The following CASR variants were observed in gnomAD, a reference collection of about 807,000 sequenced individuals.
The protein encoded by CASR is extracellular calcium-sensing receptor.
Under a neutral mutation model 69.1 loss-of-function variants are expected in CASR, and 23 were observed. The ratio of observed to expected loss-of-function variants is 0.33; its 90% CI spans 0.24 to 0.47. CASR has a LOEUF of 0.47. Ranked by LOEUF, CASR falls within the 20% of genes least tolerant of loss-of-function variation. The probability of loss-of-function intolerance (pLI) is 1.00; values close to 1 mark genes in which losing one functional copy is unlikely to be tolerated. For synonymous variants in CASR, 541 were observed against 544.7 expected (o/e 0.99, Z 0.10); for missense variants, 924 against 1,356.1 (o/e 0.68, Z 5.00).
chr3:122,248,754 A>G (rs1193821666), intron 1 of CASR, among the ~76,000 whole-genome samples: 1 of 152,128 alleles, frequency 6.6e-6, no homozygotes, highest in African/African-American at 2.4e-5. Context: ...ATTTTGCTCT[A>G]GAGATTCACA....
At chr3:122,276,192 C>G (rs2074818174) in intron 5 of CASR, 150 bp downstream of exon 5, 7 of 689,334 alleles carry the variant, frequency 1.0e-5, no homozygotes, top group Non-Finnish European at 1.9e-5. Context: ...TTGGGGCTCC[C>G]TGTGAAATCC....
At chr3:122,200,122 G>T (rs932829274) in intron 1 of CASR, among the ~76,000 whole-genome samples, 1 of 152,040 alleles carries the variant, frequency 6.6e-6, no homozygotes, top group Non-Finnish European at 1.5e-5. Flanking sequence ...AGTCAGGCTG[G>T]TCTCAAACTC....
chr3:122,188,587 A>C (rs1353815962), intron 1 of CASR, among the ~76,000 whole-genome samples: 21 of 152,180 alleles, frequency 1.4e-4, no homozygotes, highest in Admixed American at 6.5e-5. Flanking sequence ...TCCATACCAA[A>C]TATAATATCC....
At chr3:122,272,499 A>G (rs2074772163) in intron 4 of CASR, among the ~76,000 whole-genome samples, 1 of 152,192 alleles carries the variant, frequency 6.6e-6, no homozygotes, top group Admixed American at 6.5e-5. Flanking sequence ...GTCCTTTGCC[A>G]GCCAAAATAT....
At chr3:122,196,615 G>T (rs2073893798) in intron 1 of CASR, among the ~76,000 whole-genome samples, 1 of 151,978 alleles carries the variant, frequency 6.6e-6, no homozygotes, top group African/African-American at 2.4e-5. Context: ...ACAGCTCACT[G>T]CAGCCTTGAC....
chr3:122,240,371 A>G (rs1031870831), intron 1 of CASR, among the ~76,000 whole-genome samples: 1 of 152,208 alleles, frequency 6.6e-6, no homozygotes, highest in Non-Finnish European at 1.5e-5. Context: ...CCAAAATAAT[A>G]GAGCAGGACT....
At position 122,284,662 on chromosome 3, in the gene CASR, G is replaced by C. The variant is rs1289794304; in HGVS notation, c.2708G>C (p.Gly903Ala). The C allele has an allele frequency of 6.2e-7, 1 of 1,613,748 alleles. No homozygotes were observed. ...NVSRKRSSSL[G>A]GSTGSTPSSS... ...TCCCGCAAGCGGTCCAGCAGCCTTG[G>C]AGGCTCCACGGGATCCACCCCCTCC... Residue 903 changes from glycine to alanine, a missense_variant, in exon 7 of 7, where the codon GGA (glycine) becomes GCA (alanine). Transcript: ENST00000639785.
At chr3:122,189,938 T>G (rs533875315) in intron 1 of CASR, among the ~76,000 whole-genome samples, 23 of 152,366 alleles carry the variant, frequency 1.5e-4, no homozygotes, top group Non-Finnish European at 2.9e-4. Flanking sequence ...AGTTTAGTTT[T>G]GTTCACCAGT....
Position 122,283,742 on chromosome 3 carries a change from C to A in CASR, c.1788C>A (p.Thr596=). The stretch of plus-strand genomic sequence containing the variant: ...ACTTCTGGTCCAATGAGAACCACAC[C>A]TCCTGCATTGCCAAGGAGATCGAGT... ...PDDFWSNENH[T]SCIAKEIEFL... Residue 596 remains threonine, a synonymous_variant, in exon 7 of 7, where the codon ACC becomes ACA. Transcript: ENST00000639785. The A allele has an allele frequency of 6.2e-7, 1 of 1,614,130 alleles. No individual in the cohort carries two copies. The highest frequency in any genetic ancestry group is 1.7e-5 in the Admixed American group (1 of 60,022).
chr3:122,195,558 G>T (rs569528320), intron 1 of CASR, among the ~76,000 whole-genome samples: 1 of 152,178 alleles, frequency 6.6e-6, no homozygotes, highest in African/African-American at 2.4e-5. Context: ...AAATTATCCC[G>T]AGGAATATCA....
In CASR at chr3:122,284,100, C is replaced by T. The variant is rs768333005; in HGVS notation, c.2146C>T (p.Arg716Cys). ...GGCCAAGATCCCCACCAGCTTCCACCGCAAGTGGTGGGGGCTCAACCTGCA... is the reference window on the plus strand; with the variant it reads ...GGCCAAGATCCCCACCAGCTTCCACTGCAAGTGGTGGGGGCTCAACCTGCA... Reference protein sequence around the residue: ...FEAKIPTSFHRKWWGLNLQFL... With the variant: ...FEAKIPTSFHCKWWGLNLQFL... Residue 716 changes from arginine to cysteine, a missense_variant, in exon 7 of 7, where the codon CGC becomes TGC. Physicochemically the swap from Arg to Cys is radical, Grantham distance 180 (BLOSUM62 -3). Coordinates refer to ENST00000639785, the MANE Select transcript of CASR (RefSeq NM_000388.4). The T allele has an allele frequency of 6.8e-6, 11 of 1,614,122 alleles. No individual in the cohort carries two copies. The highest frequency in any genetic ancestry group is 9.3e-6 in the Non-Finnish European group (11 of 1,179,976).
At chr3:122,241,106 A>G (rs1178161800) in intron 1 of CASR, among the ~76,000 whole-genome samples, 2 of 152,152 alleles carry the variant, frequency 1.3e-5, no homozygotes, top group East Asian at 3.8e-4. Flanking sequence ...AAATAACCTA[A>G]TGATGCATCT....
intron 1 of CASR, among the ~76,000 whole-genome samples, chr3:122,244,766 TGAGA>T (rs1276241830): frequency 6.6e-6 from 1 of 151,930 alleles, no homozygotes; most frequent in Admixed American, 6.6e-5. Context: ...ATTTTAAGAG[TGAGA>T]GAAAGATAAG....
intron 1 of CASR, 147 bp downstream of exon 1, chr3:122,183,959 G>C (rs999527965): frequency 6.6e-6 from 1 of 152,364 alleles, no homozygotes; most frequent in Non-Finnish European, 1.5e-5. Flanking sequence ...CAAGGAGTAG[G>C]GGTCAGGGAA....
chr3:122,257,127 A>G lies in CASR; in HGVS notation c.232A>G (p.Ile78Val), dbSNP rs769294626. 6.2e-6 allele frequency: 10 copies of G among 1,614,046 alleles called. No homozygotes were observed. Among genetic ancestry groups the G allele is most frequent in the South Asian group, 3.3e-5 (3 of 91,086 alleles). ...FRWLQAMIFA[I>V]EEINSSPALL... ...CTGGTTACAGGCTATGATATTTGCCATAGAGGAGATAAACAGCAGCCCAGC... is the reference window on the plus strand; with the variant it reads ...CTGGTTACAGGCTATGATATTTGCCGTAGAGGAGATAAACAGCAGCCCAGC... The change falls in exon 3 of 7, where the codon ATA (isoleucine) becomes GTA (valine). Residue 78 changes from isoleucine (I) to valine (V), a missense_variant. Ile to Val is a conservative substitution (Grantham distance 29). This residue lies in a region of CASR where 141 missense variants were observed against 283.0 expected (regional missense o/e 0.50). Transcript: ENST00000639785.
intron 3 of CASR, among the ~76,000 whole-genome samples, chr3:122,258,833 A>G (rs2074586053): frequency 6.6e-6 from 1 of 152,176 alleles, no homozygotes; most frequent in South Asian, 2.1e-4. Context: ...CCCACTCCGC[A>G]AAGATCAAGG....
chr3:122,228,397 G>A (rs988964353), intron 1 of CASR, among the ~76,000 whole-genome samples: 11 of 152,020 alleles, frequency 7.2e-5, no homozygotes, highest in South Asian at 2.1e-4. Context: ...TAAAGATTAC[G>A]TTGTATTCTG....
intron 4 of CASR, among the ~76,000 whole-genome samples, chr3:122,266,549 G>T (rs2074696930): frequency 6.6e-6 from 1 of 151,582 alleles, no homozygotes; most frequent in South Asian, 2.1e-4. Flanking sequence ...CCTATGTTTG[G>T]ATCTTTCTAC....
chr3:122,215,150 C>G (rs775778145), intron 1 of CASR, among the ~76,000 whole-genome samples: 30 of 152,312 alleles, frequency 2.0e-4, no homozygotes, highest in Non-Finnish European at 4.0e-4. Flanking sequence ...TGATTACGGC[C>G]CTCTGCCTCC....
Sources: gnomAD v4.1 joint callset for allele counts (sites outside exome capture counted in the v4.1 genomes callset) on GRCh38, gnomAD v4.1.1 for gene constraint, gnomAD v4.1.1 regional missense constraint, MANE v1.5 for transcripts, NCBI Gene and HGNC (gene_info 2026-07-23, HGNC 2026-07-21) for gene names.